Variants in CDKL3 observed in about 807,000 individuals in gnomAD.
The protein encoded by CDKL3 is cyclin-dependent kinase-like 3.
Under a neutral mutation model 69.3 loss-of-function variants are expected in CDKL3, and 65 were observed. The observed-to-expected ratio is 0.94, with a 90% CI of 0.77 to 1.15. CDKL3 has a LOEUF of 1.15. CDKL3 is among the 50% of genes most tolerant of loss of function. The probability of loss-of-function intolerance (pLI) is 0.00; values close to 1 mark genes in which losing one functional copy is unlikely to be tolerated. For missense variants in CDKL3, 652 were observed against 689.2 expected (o/e 0.95, Z 0.61); for synonymous variants, 202 against 221.6 (o/e 0.91, Z 0.79).
chr5:134,320,889 A>T (rs995521389), intron 5 of CDKL3, among the ~76,000 whole-genome samples: 31 of 151,778 alleles, frequency 2.0e-4, no homozygotes, highest in African/African-American at 4.1e-4. Flanking sequence ...AAAAAAAATT[A>T]AATTTAAAAT....
chr5:134,304,207 G>A (rs947947961), intron 11 of CDKL3, among the ~76,000 whole-genome samples, 198 bp downstream of exon 11: 2 of 152,044 alleles, frequency 1.3e-5, no homozygotes, highest in African/African-American at 2.4e-5. Context: ...GGGATTACAC[G>A]CCTAAGCCTC....
At chr5:134,289,932 TC>T (rs1765048245) in intron 8 of CDKL3, among the ~76,000 whole-genome samples, 2 of 152,208 alleles carry the variant, frequency 1.3e-5, no homozygotes. Flanking sequence ...CTGTTTTTTT[TC>T]CTCAAGTGAC....
intron 3 of CDKL3, among the ~76,000 whole-genome samples, chr5:134,352,092 T>C (rs1477856700): frequency 1.3e-5 from 2 of 152,136 alleles, no homozygotes; most frequent in African/African-American, 4.8e-5. Context: ...TCTCTACTTC[T>C]ATGAGTTGCA....
intron 2 of CDKL3, among the ~76,000 whole-genome samples, chr5:134,363,229 AT>A (rs1343687263): frequency 6.6e-6 from 1 of 152,176 alleles, no homozygotes; most frequent in East Asian, 1.9e-4. Context: ...ACATGAACTG[AT>A]ATCTTTCACA....
At chr5:134,347,332 C>G (rs1396721118) in intron 4 of CDKL3, among the ~76,000 whole-genome samples, 1 of 152,056 alleles carries the variant, frequency 6.6e-6, no homozygotes, top group Non-Finnish European at 1.5e-5. Context: ...CTTTGGAATA[C>G]AGTCTGGCAG....
intron 9 of CDKL3, 48 bp from the exon 10 acceptor site, chr5:134,306,750 CTTT>C (rs11414446): frequency 0.01 from 2,291 of 225,098 alleles, no homozygotes; most frequent in Middle Eastern, 0.02. Flanking sequence ...CCCAGAAATG[CTTT>C]TTTTTTTTTT....
At chr5:134,329,521 T>G (rs1317939589) in intron 4 of CDKL3, among the ~76,000 whole-genome samples, 2 of 151,654 alleles carry the variant, frequency 1.3e-5, no homozygotes, top group African/African-American at 4.8e-5. Context: ...TCGCCCAGGC[T>G]GGAATGCAGT....
chr5:134,355,767 C>A (rs940282888), intron 3 of CDKL3, among the ~76,000 whole-genome samples: 1 of 152,262 alleles, frequency 6.6e-6, no homozygotes, highest in Non-Finnish European at 1.5e-5. Flanking sequence ...TCTCATTCTG[C>A]GGTATTTCCT....
intron 4 of CDKL3, among the ~76,000 whole-genome samples, chr5:134,339,258 A>C (rs368964663): frequency 6.6e-6 from 1 of 151,128 alleles, no homozygotes; most frequent in Non-Finnish European, 1.5e-5. Context: ...CTGGAGGGGG[A>C]AAAAAACCTC....
intron 2 of CDKL3, 65 bp from the exon 3 acceptor site, chr5:134,360,156 G>A (rs551212955): frequency 1.3e-5 from 14 of 1,096,860 alleles, no homozygotes; most frequent in East Asian, 7.9e-5. Context: ...TACATATAAC[G>A]TGTAAATTTT....
intron 3 of CDKL3, among the ~76,000 whole-genome samples, chr5:134,352,713 T>C (rs1239607685): frequency 6.6e-6 from 1 of 152,198 alleles, no homozygotes; most frequent in Non-Finnish European, 1.5e-5. Flanking sequence ...CCTCCCAAAG[T>C]GCTGGGATTA....
intron 8 of CDKL3, 28 bp from the exon 9 acceptor site, chr5:134,308,494 T>A: frequency 6.4e-7 from 1 of 1,564,378 alleles, no homozygotes; most frequent in Non-Finnish European, 8.6e-7. Context: ...AAAATCTGAG[T>A]CATCATAACA....
chr5:134,326,533 T>C (rs1774237840), intron 4 of CDKL3, among the ~76,000 whole-genome samples: 1 of 151,946 alleles, frequency 6.6e-6, no homozygotes, highest in Admixed American at 6.6e-5. Flanking sequence ...AGGTCTAACA[T>C]GTAGGGGTAA....
intron 3 of CDKL3, among the ~76,000 whole-genome samples, chr5:134,353,988 T>C (rs758772792): frequency 1.2e-4 from 19 of 152,228 alleles, no homozygotes; most frequent in Non-Finnish European, 2.5e-4. Context: ...CCCTAGCCTA[T>C]AGAATATTAG....
In CDKL3 at chr5:134,308,413, G is replaced by C. The variant is rs1399801564; in HGVS notation, c.1089C>G (p.Val363=). The C allele has an allele frequency of 1.9e-6, 3 of 1,613,028 alleles. No individual in the cohort carries two copies. Among genetic ancestry groups the C allele is most frequent in the African/African-American group, 2.7e-5 (2 of 74,938 alleles). ...CTGAGATATCTCCTCTTCCTCCTTT[G>C]ACTTTAATAACTCTGACTTTGATCT... The part of the protein sequence containing the change: ...PKEIKVRVIK[V]KGGRGDISEP... Residue 363 remains valine, a synonymous_variant, in exon 9 of 13, where the codon GTC becomes GTG. Transcript: ENST00000265334.
intron 4 of CDKL3, among the ~76,000 whole-genome samples, chr5:134,333,431 A>G (rs1314260888): frequency 1.3e-5 from 2 of 152,216 alleles, no homozygotes; most frequent in African/African-American, 2.4e-5. Context: ...TTGCCCATGC[A>G]GTATAATATT....
At chr5:134,321,072 G>C (rs1300822005) in intron 5 of CDKL3, among the ~76,000 whole-genome samples, 2 of 139,280 alleles carry the variant, frequency 1.4e-5, no homozygotes, top group African/African-American at 5.4e-5. Flanking sequence ...GCAGTGGCGT[G>C]ATCGTGGCTC....
chr5:134,284,989 T>C (rs918316778), downstream of CDKL3, among the ~76,000 whole-genome samples: 3 of 152,190 alleles, frequency 2.0e-5, no homozygotes, highest in Non-Finnish European at 4.4e-5. Context: ...CTTACGAAGA[T>C]GATGGGATTA....
At chr5:134,283,570 T>C (rs1371159504), downstream of CDKL3, among the ~76,000 whole-genome samples, 4 of 152,096 alleles carry the variant, frequency 2.6e-5, no homozygotes. Flanking sequence ...TTCAATTACC[T>C]CCCACCAAGT....
Sources: allele counts gnomAD v4.1 joint callset (sites outside exome capture counted in the v4.1 genomes callset), GRCh38; gene constraint gnomAD v4.1.1; transcripts MANE v1.5; gene names NCBI Gene and HGNC (gene_info 2026-07-23, HGNC 2026-07-21).